The following SGCD variants were observed in gnomAD, a reference collection of about 807,000 sequenced individuals.
The protein encoded by SGCD is sarcoglycan delta.
Under a neutral mutation model 36.6 loss-of-function variants are expected in SGCD, and 18 were observed. The observed-to-expected ratio is 0.49, with a 90% CI of 0.34 to 0.73. SGCD has a LOEUF of 0.73. Among genes scored for constraint, SGCD ranks in the 30% least tolerant of loss-of-function variants. The pLI is 0.01. For synonymous variants in SGCD, 133 were observed against 130.6 expected (o/e 1.02, Z -0.12); for missense variants, 387 against 346.7 (o/e 1.12, Z -0.92).
chr5:155,874,884 C>T (rs934268996), intron 1 of SGCD, among the ~76,000 whole-genome samples: 1 of 152,112 alleles, frequency 6.6e-6, no homozygotes, highest in African/African-American at 2.4e-5. Flanking sequence ...CTTAAAATCA[C>T]TTATTATCCA....
the SGCD span, among the ~76,000 whole-genome samples, chr5:155,797,514 T>C: frequency 0.29 from 43,737 of 152,158 alleles, 7,839 homozygotes; most frequent in East Asian, 0.45. Context: ...AGAATTGCTA[T>C]TGAATTTTAG....
At chr5:156,117,391 T>C (rs1761929761) in intron 1 of SGCD, among the ~76,000 whole-genome samples, 3 of 152,116 alleles carry the variant, frequency 2.0e-5, no homozygotes, top group South Asian at 2.1e-4. Context: ...CTAATACCCA[T>C]TGAACTTCAA....
the SGCD span, among the ~76,000 whole-genome samples, chr5:155,865,328 A>G: frequency 3.7e-4 from 56 of 152,244 alleles, no homozygotes; most frequent in Middle Eastern, 3.4e-3. Flanking sequence ...AATCTCTAAC[A>G]TCTGACTTAG....
chr5:155,740,924 A>C, the SGCD span, among the ~76,000 whole-genome samples: 2 of 152,216 alleles, frequency 1.3e-5, no homozygotes, highest in East Asian at 3.8e-4. Flanking sequence ...GACTCATGAC[A>C]CAGCCCCAGA....
At chr5:156,164,086 G>A (rs1486801902) in intron 3 of SGCD, among the ~76,000 whole-genome samples, 2 of 150,940 alleles carry the variant, frequency 1.3e-5, no homozygotes, top group Non-Finnish European at 2.9e-5. Context: ...GCCTGCCTTG[G>A]AGAATGGCAG....
At chr5:155,864,228 C>A in the SGCD span, among the ~76,000 whole-genome samples, 1 of 152,016 alleles carries the variant, frequency 6.6e-6, no homozygotes, top group East Asian at 1.9e-4. Context: ...AGTGACCAGA[C>A]CAGGAGGGAG....
At chr5:155,866,139 AT>A (rs1219973825), upstream of SGCD, among the ~76,000 whole-genome samples, 27 of 152,196 alleles carry the variant, frequency 1.8e-4, no homozygotes, top group Non-Finnish European at 4.0e-4. Context: ...TATTAAAAAG[AT>A]TAGCACTGAA....
intron 3 of SGCD, among the ~76,000 whole-genome samples, chr5:156,252,462 A>T (rs959900926): frequency 6.6e-6 from 1 of 152,220 alleles, no homozygotes. Context: ...GCTATTGTGG[A>T]TGTCTAAGTA....
intron 1 of SGCD, among the ~76,000 whole-genome samples, chr5:155,971,258 C>T (rs1310107373): frequency 6.6e-6 from 1 of 152,120 alleles, no homozygotes; most frequent in Non-Finnish European, 1.5e-5. Flanking sequence ...GCATGAATTA[C>T]ATGCTCAACA....
rs139120475 is a variant in SGCD at position 155,987,658 on chromosome 5, T to C, written c.-282+117234T>C. ...ACTTTCAATTTTACTGTCTGCCAGTTCTCACAGAAGCTTTTACTCATTCAT... is the reference window on the plus strand; with the variant it reads ...ACTTTCAATTTTACTGTCTGCCAGTCCTCACAGAAGCTTTTACTCATTCAT... On this transcript the variant is annotated intron_variant, in intron 1 of 9. Coordinates refer to the SGCD transcript ENST00000517913. Among the ~76,000 whole-genome samples, 340 of 152,288 alleles carry C rather than the reference T, an allele frequency of 2.2e-3. 3 individuals are homozygous for C. The highest frequency in any genetic ancestry group is 7.9e-3 in the African/African-American group (329 of 41,562).
chr5:156,239,589 A>C (rs1581189010), intron 3 of SGCD, among the ~76,000 whole-genome samples: 2 of 152,278 alleles, frequency 1.3e-5, no homozygotes, highest in East Asian at 3.9e-4. Context: ...TTACAGAAAA[A>C]AATATTGTTT....
At chr5:155,814,572 G>A in the SGCD span, among the ~76,000 whole-genome samples, 9 of 152,232 alleles carry the variant, frequency 5.9e-5, no homozygotes, top group East Asian at 1.4e-3. Context: ...ACCATAAATG[G>A]CACTTGGTAC....
At chr5:155,880,528 T>A (rs535507587) in intron 1 of SGCD, among the ~76,000 whole-genome samples, 248 of 152,290 alleles carry the variant, frequency 1.6e-3, no homozygotes, top group Admixed American at 5.7e-3. Flanking sequence ...CACAGAGCAC[T>A]GCCAAAATCT....
At chr5:155,765,924 T>A in the SGCD span, among the ~76,000 whole-genome samples, 1 of 152,016 alleles carries the variant, frequency 6.6e-6, no homozygotes, top group Admixed American at 6.6e-5. Context: ...CAGCTGTGCC[T>A]GGGCGTGACT....
Position 156,711,113 on chromosome 5 carries a change from G to A in SGCD, c.576-46468G>A, listed in dbSNP as rs116291892. The stretch of plus-strand genomic sequence containing the variant: ...TTGTCCCTGAATTACCAAGGGAGAA[G>A]CATATAATGAGGCAAGTTTGATGCC... On this transcript the variant is annotated intron_variant, in intron 7 of 8. Coordinates refer to ENST00000337851, the MANE Select transcript of SGCD (RefSeq NM_000337.6). Among the ~76,000 whole-genome samples, 283 of 152,196 alleles carry A rather than the reference G, an allele frequency of 1.9e-3. 2 individuals are homozygous for A. The highest frequency in any genetic ancestry group is 6.5e-3 in the African/African-American group (268 of 41,522).
intron 5 of SGCD, among the ~76,000 whole-genome samples, chr5:156,591,479 G>A (rs2113376756): frequency 6.6e-6 from 1 of 152,334 alleles, no homozygotes; most frequent in East Asian, 1.9e-4. Context: ...ATGGAGGAAA[G>A]CAGTGGAGAT....
At chr5:156,149,803 A>G (rs1187362572) in intron 3 of SGCD, among the ~76,000 whole-genome samples, 1 of 152,208 alleles carries the variant, frequency 6.6e-6, no homozygotes, top group Admixed American at 6.5e-5. Context: ...TTGCAAGGCT[A>G]TCATTTGTGA....
chr5:156,239,704 T>C (rs1765261789), intron 3 of SGCD, among the ~76,000 whole-genome samples: 1 of 152,230 alleles, frequency 6.6e-6, no homozygotes, highest in African/African-American at 2.4e-5. Flanking sequence ...GTTTATCACC[T>C]ATTTACCAGG....
intron 7 of SGCD, among the ~76,000 whole-genome samples, chr5:156,755,835 A>T (rs1419740901): frequency 6.6e-6 from 1 of 152,182 alleles, no homozygotes; most frequent in Non-Finnish European, 1.5e-5. Context: ...TAGTTGAGTC[A>T]TTGTAGGGGG....
Sources: allele counts gnomAD v4.1 joint callset (sites outside exome capture counted in the v4.1 genomes callset), GRCh38; gene constraint gnomAD v4.1.1; transcripts MANE v1.5; gene names NCBI Gene and HGNC (gene_info 2026-07-23, HGNC 2026-07-21).